The following KLHL32 variants were observed in gnomAD, a reference collection of about 807,000 sequenced individuals.
The protein encoded by KLHL32 is kelch-like protein 32.
Under a neutral mutation model 64.8 loss-of-function variants are expected in KLHL32, and 35 were observed. The observed-to-expected ratio is 0.54, with a 90% confidence interval of 0.41 to 0.72. KLHL32 has a LOEUF of 0.72. KLHL32 is among the 30% of genes least tolerant of loss of function. KLHL32 has a pLI of 0.00. For missense variants in KLHL32, 589 were observed against 768.5 expected, an observed-to-expected ratio of 0.77 and a Z score of 2.76; for synonymous variants, 259 against 281.0, an observed-to-expected ratio of 0.92 and a Z score of 0.78.
chr6:97,130,840 T>A lies in KLHL32; in HGVS notation c.1497T>A (p.Leu499=). The A allele has an allele frequency of 6.2e-7, 1 of 1,614,164 alleles. No individual in the cohort carries two copies. The highest frequency in any genetic ancestry group is 8.5e-7 in the Non-Finnish European group (1 of 1,179,994). The change falls in exon 9 of 11, where the codon CTT becomes CTA. Residue 499 remains leucine, a synonymous_variant. Coordinates refer to ENST00000369261, the MANE Select transcript of KLHL32 (RefSeq NM_052904.4). Reference sequence around the variant, plus strand: ...CTGTACAAAGGAAGCTTTATGTTCTTGGAGGCAATGACCTAGACTACAATA... The same window carrying A: ...CTGTACAAAGGAAGCTTTATGTTCTAGGAGGCAATGACCTAGACTACAATA... ...MAAVQRKLYV[L]GGNDLDYNND... is the part of the protein sequence containing the mutation.
intron 6 of KLHL32, among the ~76,000 whole-genome samples, chr6:97,100,828 C>T (rs1400199732): frequency 3.8e-5 from 5 of 133,208 alleles, no homozygotes; most frequent in Non-Finnish European, 3.1e-5. Context: ...TTTTGAGACA[C>T]GGTCTTGCTC....
intron 6 of KLHL32, among the ~76,000 whole-genome samples, chr6:97,090,549 G>T (rs551189825): frequency 6.6e-6 from 1 of 152,304 alleles, no homozygotes; most frequent in African/African-American, 2.4e-5. Context: ...TTTACAGTTG[G>T]AAAGTAGAAG....
chr6:96,976,213 A>C (rs1318146383), intron 3 of KLHL32, 36 bp downstream of exon 3: 1 of 1,493,150 alleles, frequency 6.7e-7, no homozygotes, highest in South Asian at 1.3e-5. Context: ...TAAAATATTG[A>C]TAAAGAGAGG....
At chr6:97,053,316 G>A (rs1245274727) in intron 4 of KLHL32, among the ~76,000 whole-genome samples, 3 of 152,110 alleles carry the variant, frequency 2.0e-5, no homozygotes, top group South Asian at 4.1e-4. Context: ...TTAGTTGTAG[G>A]CATGAATGCT....
At chr6:97,054,379 A>G (rs1038230291) in intron 4 of KLHL32, among the ~76,000 whole-genome samples, 3 of 152,202 alleles carry the variant, frequency 2.0e-5, no homozygotes, top group Admixed American at 6.5e-5. Flanking sequence ...AACACCTACT[A>G]TATGCTAAGG....
chr6:96,969,327 G>A (rs1302479221), intron 2 of KLHL32, among the ~76,000 whole-genome samples: 1 of 152,050 alleles, frequency 6.6e-6, no homozygotes, highest in African/African-American at 2.4e-5. Context: ...TCAAAATATG[G>A]TTGTACTTTG....
chr6:97,072,564 C>CTT (rs5878460), intron 5 of KLHL32, among the ~76,000 whole-genome samples: 7,566 of 146,096 alleles, frequency 0.052, 243 homozygotes, highest in South Asian at 0.1. Flanking sequence ...ATCTCTTTGG[C>CTT]TTTTTTTTTT....
At chr6:97,105,543 C>T (rs1400732325) in intron 6 of KLHL32, 1 of 470,692 alleles carries the variant, frequency 2.1e-6, no homozygotes, top group Non-Finnish European at 4.4e-6. Flanking sequence ...GACACTTGTG[C>T]CTCACAGCGT....
intron 2 of KLHL32, among the ~76,000 whole-genome samples, chr6:96,973,730 C>CTCTTTTTTTTT (rs1554208428): frequency 4.2e-5 from 5 of 118,250 alleles, no homozygotes; most frequent in African/African-American, 1.6e-4. Context: ...TACAGATTGC[C>CTCTTTTTTTTT]TTTTTTTTTT....
At chr6:96,941,145 C>T (rs551467892) in intron 1 of KLHL32, among the ~76,000 whole-genome samples, 5 of 152,156 alleles carry the variant, frequency 3.3e-5, no homozygotes, top group Non-Finnish European at 7.4e-5. Context: ...GGTTTGTTTA[C>T]AAGGTTGAAA....
At chr6:96,916,165 C>T in the KLHL32 span, among the ~76,000 whole-genome samples, 2 of 152,136 alleles carry the variant, frequency 1.3e-5, no homozygotes, top group African/African-American at 4.8e-5. Flanking sequence ...ACAGAAACAG[C>T]TGGATTGGTT....
intron 7 of KLHL32, among the ~76,000 whole-genome samples, chr6:97,120,280 TGAG>T (rs1798227135): frequency 6.6e-6 from 1 of 152,156 alleles, no homozygotes; most frequent in East Asian, 1.9e-4. Context: ...GGCAGGAACC[TGAG>T]GAGGTTTCTT....
upstream of KLHL32, among the ~76,000 whole-genome samples, chr6:96,923,914 C>T (rs906735196): frequency 6.6e-5 from 10 of 152,206 alleles, no homozygotes; most frequent in Admixed American, 5.2e-4. Flanking sequence ...ATGTTTTACA[C>T]AGGAGTGACC....
intron 3 of KLHL32, among the ~76,000 whole-genome samples, chr6:97,027,125 G>A (rs1317261556): frequency 4.7e-5 from 7 of 147,848 alleles, no homozygotes; most frequent in Non-Finnish European, 1.0e-4. Flanking sequence ...TTGCGCCACT[G>A]CACTCCAGCC....
chr6:96,911,636 C>A, the KLHL32 span, among the ~76,000 whole-genome samples: 12 of 152,218 alleles, frequency 7.9e-5, no homozygotes, highest in African/African-American at 2.6e-4. Context: ...CACCCCAGGG[C>A]AAGTAGCTTT....
Position 96,973,730 on chromosome 6 carries a change from C to CTTTTTTTTTTTTTT in KLHL32, c.24-2256_24-2255insTTTTTTTTTTTTTT, listed in dbSNP as rs558193523. Among the ~76,000 whole-genome samples the CTTTTTTTTTTTTTT allele has an allele frequency of 3.5e-4, 41 of 118,264 alleles. 6 individuals are homozygous for CTTTTTTTTTTTTTT. The highest frequency in any genetic ancestry group is 6.2e-4 in the African/African-American group (19 of 30,768). The allele number at this position is 118,264 out of a possible 152,430, so 77.6% of individuals were successfully genotyped here. The stretch of plus-strand genomic sequence containing the variant: ...GATTTTTGAGATCTTTACAGATTGC[C>CTTTTTTTTTTTTTT]TTTTTTTTTTTAGACAGAGTCTCGC... On this transcript the variant is annotated intron_variant, in intron 2 of 10. Coordinates refer to ENST00000369261, the MANE Select transcript of KLHL32 (RefSeq NM_052904.4).
chr6:97,113,087 G>A (rs1168256614), intron 6 of KLHL32, among the ~76,000 whole-genome samples: 1 of 151,906 alleles, frequency 6.6e-6, no homozygotes, highest in African/African-American at 2.4e-5. Flanking sequence ...TTGTGCAAAC[G>A]ACTCTAACAA....
intron 10 of KLHL32, among the ~76,000 whole-genome samples, chr6:97,134,854 T>G (rs1250463333): frequency 1.3e-5 from 2 of 152,186 alleles, no homozygotes; most frequent in Non-Finnish European, 2.9e-5. Context: ...ACATAGAAAC[T>G]TAAATAAAAA....
chr6:97,130,196 T>G (rs1283877975), intron 8 of KLHL32, among the ~76,000 whole-genome samples: 2 of 152,240 alleles, frequency 1.3e-5, no homozygotes, highest in Non-Finnish European at 2.9e-5. Context: ...TGTGCATTTT[T>G]CTAAGTGCTT....
Sources: gnomAD v4.1 joint callset for allele counts (sites outside exome capture counted in the v4.1 genomes callset) on GRCh38, gnomAD v4.1.1 for gene constraint, MANE v1.5 for transcripts, NCBI Gene and HGNC (gene_info 2026-07-23, HGNC 2026-07-21) for gene names.